SLC30A6: variants seen among roughly 807,000 people sequenced by gnomAD.
The protein encoded by SLC30A6 is solute carrier family 30 member 6.
A neutral mutation model predicts 63.0 loss-of-function variants in SLC30A6; 55 were observed. The ratio of observed to expected loss-of-function variants is 0.87; its 90% CI spans 0.70 to 1.09. The LOEUF is 1.09. Ranked by LOEUF, SLC30A6 falls within the 50% of genes least tolerant of loss-of-function variation. The pLI is 0.00. For synonymous variants in SLC30A6, 224 were observed against 186.1 expected (o/e 1.20, Z -1.66); for missense variants, 587 against 549.2 (o/e 1.07, Z -0.69).
chr2:32,187,135 A>G (rs754503413), intron 5 of SLC30A6: 28 of 470,014 alleles, frequency 6.0e-5, no homozygotes, highest in Admixed American at 3.3e-4. Flanking sequence ...GGACATTGTC[A>G]TTTTTTTGCC....
intron 8 of SLC30A6, among the ~76,000 whole-genome samples, chr2:32,196,149 C>T (rs1268998564): frequency 6.6e-6 from 1 of 152,060 alleles, no homozygotes; most frequent in African/African-American, 2.4e-5. Context: ...CCTGTCTCTA[C>T]TAAAAAATTA....
rs1684293060 is a variant in SLC30A6, at chr2:32,201,521, C to T, written c.666-3069C>T. ...CAGCCACGGCTGAGTGGCTGCCCTGCCCCTGTTTCCTTTCACGTTTTTGCT... is the reference window on the plus strand; with the variant it reads ...CAGCCACGGCTGAGTGGCTGCCCTGTCCCTGTTTCCTTTCACGTTTTTGCT... On this transcript the variant is annotated intron_variant, in intron 10 of 13. Transcript: ENST00000282587. 4.5e-5 allele frequency: 29 copies of T among 643,710 alleles called. No homozygotes were observed. In the South Asian group the frequency reaches 6.4e-4, roughly 14 times the overall value. The allele number at this position is 643,710 out of a possible 1,614,324, so 39.9% of individuals were successfully genotyped here. A position where few individuals can be genotyped will look rare whatever the true frequency, so the allele number is the denominator to read the frequency against.
At chr2:32,210,044 G>A (rs1405466744) in intron 13 of SLC30A6, among the ~76,000 whole-genome samples, 7 of 152,000 alleles carry the variant, frequency 4.6e-5, no homozygotes, top group African/African-American at 7.3e-5. Flanking sequence ...ATAAAATTTC[G>A]TATTTTCTAA....
chr2:32,189,148 G>C (rs1184061327), intron 5 of SLC30A6, among the ~76,000 whole-genome samples: 1 of 152,114 alleles, frequency 6.6e-6, no homozygotes, highest in African/African-American at 2.4e-5. Context: ...AATTAGTTTG[G>C]ATTTGCATGT....
intron 13 of SLC30A6, among the ~76,000 whole-genome samples, chr2:32,215,339 C>T (rs537816593): frequency 1.3e-5 from 2 of 151,654 alleles, no homozygotes; most frequent in Admixed American, 6.6e-5. Flanking sequence ...TGACTATAGG[C>T]GCGCACCACC....
At chr2:32,177,809 A>G (rs1681908442) in intron 4 of SLC30A6, among the ~76,000 whole-genome samples, 1 of 151,314 alleles carries the variant, frequency 6.6e-6, no homozygotes, top group South Asian at 2.1e-4. Flanking sequence ...TTGTATTTTT[A>G]GTAGAGACAG....
chr2:32,183,256 A>G (rs1323737652), intron 4 of SLC30A6, among the ~76,000 whole-genome samples: 1 of 152,140 alleles, frequency 6.6e-6, no homozygotes, highest in African/African-American at 2.4e-5. Flanking sequence ...TTAATAACTG[A>G]GAATTGAGGA....
intron 10 of SLC30A6, among the ~76,000 whole-genome samples, chr2:32,200,077 TACACAC>T (rs35617136): frequency 2.0e-5 from 3 of 149,204 alleles, no homozygotes; most frequent in Non-Finnish European, 4.4e-5. Context: ...GAGACATATA[TACACAC>T]ACACACACAC....
chr2:32,208,067 C>A (rs1306538420), intron 12 of SLC30A6, among the ~76,000 whole-genome samples: 1 of 149,952 alleles, frequency 6.7e-6, no homozygotes, highest in Non-Finnish European at 1.5e-5. Context: ...CTCTTGACCT[C>A]GTGATCCACC....
At chr2:32,193,089 C>G in intron 7 of SLC30A6, 136 bp downstream of exon 7, 1 of 521,204 alleles carries the variant, frequency 1.9e-6, no homozygotes. Context: ...AAACAAAATT[C>G]CCTAATACTA....
chr2:32,180,889 T>G (rs1363026958), intron 4 of SLC30A6, among the ~76,000 whole-genome samples: 1 of 152,196 alleles, frequency 6.6e-6, no homozygotes, highest in Non-Finnish European at 1.5e-5. Flanking sequence ...ATCTTTTCAT[T>G]TAATTTGAGG....
intron 12 of SLC30A6, among the ~76,000 whole-genome samples, chr2:32,209,196 A>G (rs1252071165): frequency 6.6e-6 from 1 of 152,258 alleles, no homozygotes; most frequent in Non-Finnish European, 1.5e-5. Flanking sequence ...TATTGATATG[A>G]AAAGAACCAT....
At chr2:32,185,090 C>T (rs2148832204) in intron 5 of SLC30A6, among the ~76,000 whole-genome samples, 1 of 152,074 alleles carries the variant, frequency 6.6e-6, no homozygotes, top group Non-Finnish European at 1.5e-5. Context: ...TTACTGAGGC[C>T]AGGTGTGGTG....
At chr2:32,201,834 A>T in intron 10 of SLC30A6, 3 of 1,428,056 alleles carry the variant, frequency 2.1e-6, no homozygotes, top group Non-Finnish European at 2.9e-6. Flanking sequence ...ATTATGACTC[A>T]GATGAGAAAT....
rs1203039986 is a variant in SLC30A6, at chr2:32,192,254, T to G, written c.285-82T>G. On this transcript the variant is annotated intron_variant, in intron 5 of 13. Coordinates refer to ENST00000282587, the MANE Select transcript of SLC30A6 (RefSeq NM_017964.5). ...CACATATGTATATTAAGTGAGCAAA[T>G]AAATGAATGTAAATGTGTTCTAGAG... The G allele has an allele frequency of 3.1e-6, 4 of 1,286,526 alleles. No individual in the cohort carries two copies. The African/African-American group carries it at 4.4e-5, about 14-fold the overall frequency. 79.7% of individuals were successfully genotyped at this position (1,286,526 alleles called of 1,614,324 possible). A position where few individuals can be genotyped will look rare whatever the true frequency, so the allele number is the denominator to read the frequency against.
At chr2:32,212,108 T>A (rs887946591) in intron 13 of SLC30A6, among the ~76,000 whole-genome samples, 7 of 152,264 alleles carry the variant, frequency 4.6e-5, no homozygotes, top group African/African-American at 1.4e-4. Context: ...ATCTTTTAAT[T>A]TCCTTTTGAT....
At chr2:32,196,028 A>G (rs1248976931) in intron 8 of SLC30A6, among the ~76,000 whole-genome samples, 3 of 152,108 alleles carry the variant, frequency 2.0e-5, no homozygotes, top group Non-Finnish European at 4.4e-5. Flanking sequence ...TTAAAAAAAA[A>G]TGAAGGCTGG....
At chr2:32,192,697 G>T (rs897968274) in intron 6 of SLC30A6, among the ~76,000 whole-genome samples, 1 of 152,028 alleles carries the variant, frequency 6.6e-6, no homozygotes, top group Non-Finnish European at 1.5e-5. Flanking sequence ...AAATAGGCTT[G>T]GCAGAGAAAG....
chr2:32,173,969 C>T, intron 2 of SLC30A6, 94 bp from the exon 3 acceptor site: 1 of 877,196 alleles, frequency 1.1e-6, no homozygotes, highest in Non-Finnish European at 1.7e-6. Flanking sequence ...TATGTTTATT[C>T]CTTTGAATAT....
Sources: allele counts gnomAD v4.1 joint callset (sites outside exome capture counted in the v4.1 genomes callset), GRCh38; gene constraint gnomAD v4.1.1; transcripts MANE v1.5; gene names NCBI Gene and HGNC (gene_info 2026-07-23, HGNC 2026-07-21).